MGAM: variants seen among roughly 807,000 people sequenced by gnomAD.
The protein encoded by MGAM is maltase-glucoamylase, also known as alpha-1,4-glucosidase.
Under a neutral mutation model 358.8 loss-of-function variants are expected in MGAM, and 253 were observed. The ratio of observed to expected loss-of-function variants is 0.71; its 90% CI spans 0.64 to 0.78. MGAM has a LOEUF of 0.78. MGAM is among the 30% of genes least tolerant of loss of function. MGAM has a pLI of 0.00. For missense variants in MGAM, 3,080 were observed against 3,432.6 expected (o/e 0.90, Z 2.57); for synonymous variants, 1,105 against 1,227.1 (o/e 0.90, Z 2.08).
chr7:142,053,167 A>G (rs565878799), intron 26 of MGAM, among the ~76,000 whole-genome samples, 183 bp downstream of exon 26: 1 of 152,264 alleles, frequency 6.6e-6, no homozygotes, highest in South Asian at 2.1e-4. Context: ...CATTTGGAAA[A>G]GATTACTGTG....
At chr7:142,040,592 G>T in intron 20 of MGAM, 130 bp from the exon 21 acceptor site, 1 of 1,222,394 alleles carries the variant, frequency 8.2e-7, no homozygotes. Flanking sequence ...TCTGTTGTTT[G>T]ATTGCCTGGC....
At chr7:142,019,969 T>C (rs1554457860) in intron 4 of MGAM, among the ~76,000 whole-genome samples, 1 of 151,864 alleles carries the variant, frequency 6.6e-6, no homozygotes, top group African/African-American at 2.4e-5. Context: ...CTCAGGAGGC[T>C]GAGCCAGGAG....
chr7:142,082,891 G>A (rs1380291666), intron 52 of MGAM, among the ~76,000 whole-genome samples: 1 of 145,886 alleles, frequency 6.9e-6, no homozygotes, highest in African/African-American at 2.4e-5. Context: ...GGTCAGAGAA[G>A]TTAGTCTGGG....
Position 142,085,148 on chromosome 7 carries a change from T to C in MGAM, c.6507+504T>C, listed in dbSNP as rs1302520729. 2.8e-4 allele frequency among the ~76,000 whole-genome samples: 41 copies of C among 146,540 alleles called. 7 individuals carry two copies. Among genetic ancestry groups the C allele is most frequent in the Non-Finnish European group, 4.0e-4 (26 of 64,694 alleles). On this transcript the variant is annotated intron_variant, in intron 54 of 70. Coordinates refer to ENST00000475668, the MANE Select transcript of MGAM (RefSeq NM_001365693.1). ...GGATCCTGGAATGGGTTCCAGAGGA[T>C]GTACACATGGAAATAAAGCTTATCC...
At position 142,089,973 on chromosome 7, in the gene MGAM, A is replaced by G. The variant is rs183327940; in HGVS notation, c.6811-1940A>G. 6.1e-5 allele frequency among the ~76,000 whole-genome samples: 9 copies of G among 146,358 alleles called. 2 individuals are homozygous for G. Among genetic ancestry groups the G allele is most frequent in the Admixed American group, 4.8e-4 (7 of 14,618 alleles). On this transcript the variant is annotated intron_variant, in intron 57 of 70. Coordinates refer to ENST00000475668, the MANE Select transcript of MGAM (RefSeq NM_001365693.1). ...AACAGCCAACAGCCCCATGAAAAGC[A>G]GATTTCTGAGTCCAAAGCTCCAGCA...
rs777711744 is a variant in MGAM at position 142,078,453 on chromosome 7, C to T, written c.5629C>T (p.Arg1877Cys). 15 of 1,544,130 alleles carry T rather than the reference C, an allele frequency of 9.7e-6. 2 individuals are homozygous for T. The highest frequency in any genetic ancestry group is 2.3e-5 in the East Asian group (1 of 43,630). Residue 1877 changes from arginine to cysteine, a missense_variant, in exon 48 of 71, where the codon CGT becomes TGT. By Grantham distance (180) the Arg-to-Cys change is radical (BLOSUM62 -3). This residue lies in a region of MGAM where 932 missense variants were observed against 1,198.2 expected (regional missense o/e 0.78). Transcript: ENST00000475668. ...TGATTCTGCAGAAAACTGCACTGCC[C>T]GTGGCTGTATCTGGGAGGTAACCAT... The part of the protein sequence containing the change: ...NGDSAENCTA[R>C]GCIWEASNSS...
intron 8 of MGAM, among the ~76,000 whole-genome samples, chr7:142,025,474 C>T (rs1215620828): frequency 6.6e-6 from 1 of 152,162 alleles, no homozygotes; most frequent in African/African-American, 2.4e-5. Flanking sequence ...CCGTCTTCAG[C>T]CCTGTAGTCA....
In MGAM at chr7:142,044,635, C is replaced by T. The variant is rs1809777350; in HGVS notation, c.2499-3150C>T. Among the ~76,000 whole-genome samples the T allele has an allele frequency of 6.1e-5, 5 of 81,708 alleles. No homozygotes were observed. In the Admixed American group the frequency reaches 8.1e-4, roughly 13 times the overall value. The allele number at this position is 81,708 out of a possible 152,430, so 53.6% of individuals were successfully genotyped here. On this transcript the variant is annotated intron_variant, in intron 21 of 70. Transcript: ENST00000475668. ...TGATATATAATGTATATTATATACA[C>T]GTGTAATATATGATATATAATGTAT... is the stretch of plus-strand genomic sequence containing the variant.
At chr7:142,093,597 G>A in intron 60 of MGAM, 47 bp downstream of exon 60, 1 of 1,465,834 alleles carries the variant, frequency 6.8e-7, no homozygotes, top group Middle Eastern at 1.7e-4. Flanking sequence ...TGTAGGGATT[G>A]CCAGTGACTG....
chr7:142,030,185 C>A (rs138901979), intron 10 of MGAM, 177 bp from the exon 11 acceptor site: 1 of 677,250 alleles, frequency 1.5e-6, no homozygotes, highest in African/African-American at 1.8e-5. Flanking sequence ...ACCAACCAGT[C>A]GTGTGTTTTT....
In MGAM at chr7:142,103,285, A is replaced by G. The variant is rs746455967; in HGVS notation, c.8030A>G (p.His2677Arg). Residue 2677 changes from histidine to arginine, a missense_variant, in exon 70 of 71, where the codon CAT becomes CGT. Around this residue, in one of 5 missense-constraint regions of MGAM, gnomAD observed 194 missense variants for 172.8 expected, o/e 1.12. Coordinates refer to ENST00000475668, the MANE Select transcript of MGAM (RefSeq NM_001365693.1). ...FSASQNTMQS[H>R]IIFNNYITGT... ...ATTCAACAGAATACGATGCAAAGCC[A>G]TATAATTTTCAACAATTACATCACT... 9 of 1,607,658 alleles carry G rather than the reference A, an allele frequency of 5.6e-6. No individual in the cohort carries two copies. The highest frequency in any genetic ancestry group is 3.3e-5 in the South Asian group (3 of 89,720).
rs896977976 is a variant in MGAM, at chr7:142,059,752, G to T, written c.3949-104G>T. The stretch of plus-strand genomic sequence containing the variant: ...CCAGGACTCACAGAAACTCTACTGT[G>T]CAGGTAGAAGCCAGCGAGTTCACCC... On this transcript the variant is annotated intron_variant, in intron 32 of 70. Coordinates refer to ENST00000475668, the MANE Select transcript of MGAM (RefSeq NM_001365693.1). 20 of 1,565,910 alleles carry T rather than the reference G, an allele frequency of 1.3e-5. No individual in the cohort carries two copies. In the Middle Eastern group the frequency reaches 1.2e-3, roughly 93 times the overall value.
intron 3 of MGAM, among the ~76,000 whole-genome samples, chr7:142,014,779 G>T (rs1476351589): frequency 4.6e-5 from 7 of 151,996 alleles, no homozygotes; most frequent in Non-Finnish European, 1.0e-4. Flanking sequence ...TATGTTGATA[G>T]ATATCTCTAG....
intron 34 of MGAM, among the ~76,000 whole-genome samples, chr7:142,062,249 G>A (rs2129041239): frequency 6.6e-6 from 1 of 152,312 alleles, no homozygotes; most frequent in South Asian, 2.1e-4. Context: ...GAGTGCATAG[G>A]AAATGGCAGG....
intron 17 of MGAM, among the ~76,000 whole-genome samples, 179 bp from the exon 18 acceptor site, chr7:142,036,644 A>G (rs577732934): frequency 3.5e-4 from 54 of 152,352 alleles, no homozygotes; most frequent in African/African-American, 1.3e-3. Flanking sequence ...TGAGGAAGGC[A>G]GGTTGAATCG....
rs371564136 is a variant in MGAM, at chr7:142,019,312, A to G, written c.441A>G (p.Thr147=). ...ATGTAGAGGGCAACCTTGTCAACAC[A>G]AATGCAGGTAAGCCAGAGTCTGCCA... The part of the protein sequence containing the change: ...SYHVEGNLVN[T]NAGFTARLKN... The change falls in exon 4 of 71, where the codon ACA becomes ACG. Residue 147 remains threonine, a synonymous_variant. Transcript: ENST00000475668. 4 of 1,612,700 alleles carry G rather than the reference A, an allele frequency of 2.5e-6. No homozygotes were observed. The highest frequency in any genetic ancestry group is 2.5e-6 in the Non-Finnish European group (3 of 1,179,558).
At chr7:142,078,170 T>C in intron 47 of MGAM, 148 bp from the exon 48 acceptor site, 1 of 653,654 alleles carries the variant, frequency 1.5e-6, no homozygotes, top group Non-Finnish European at 2.4e-6. Flanking sequence ...TCTCTTCTTA[T>C]AAGCTAAAGT....
chr7:142,021,542 C>G, intron 5 of MGAM, 44 bp from the exon 6 acceptor site: 1 of 1,594,360 alleles, frequency 6.3e-7, no homozygotes, highest in Non-Finnish European at 8.6e-7. Context: ...GAAGCTCTGA[C>G]AAGTTTTTAT....
intron 65 of MGAM, 26 bp from the exon 66 acceptor site, chr7:142,097,567 C>T (rs757073193): frequency 8.7e-6 from 14 of 1,606,196 alleles, no homozygotes; most frequent in Admixed American, 6.7e-5. Context: ...GTGCCACTGC[C>T]ACACCTTGTT....
Sources: gnomAD v4.1 joint callset for allele counts (sites outside exome capture counted in the v4.1 genomes callset) on GRCh38, gnomAD v4.1.1 for gene constraint, gnomAD v4.1.1 regional missense constraint, MANE v1.5 for transcripts, NCBI Gene and HGNC (gene_info 2026-07-23, HGNC 2026-07-21) for gene names.